The following GSK3B variants were observed in gnomAD, a reference collection of about 807,000 sequenced individuals.
GSK3B encodes the protein glycogen synthase kinase 3 beta, also known as glycogen synthase kinase-3 beta.
In GSK3B, 15 loss-of-function variants were observed where a neutral mutation model predicts 56.4. The ratio of observed to expected loss-of-function variants is 0.27; its 90% CI spans 0.18 to 0.41. GSK3B has a LOEUF of 0.41. GSK3B is among the 10% of genes least tolerant of loss of function. GSK3B has a pLI of 1.00. For missense variants in GSK3B, 300 were observed against 513.4 expected, an observed-to-expected ratio of 0.58 and a Z score of 4.02; for synonymous variants, 181 against 188.9, an observed-to-expected ratio of 0.96 and a Z score of 0.34.
At chr3:119,993,271 G>T (rs756033410) in intron 2 of GSK3B, among the ~76,000 whole-genome samples, 2 of 151,688 alleles carry the variant, frequency 1.3e-5, no homozygotes, top group South Asian at 4.2e-4. Flanking sequence ...AGAAAGAATC[G>T]AAAAGAAATG....
intron 2 of GSK3B, among the ~76,000 whole-genome samples, chr3:119,993,906 G>C (rs1469994589): frequency 1.3e-5 from 2 of 152,172 alleles, no homozygotes; most frequent in Non-Finnish European, 2.9e-5. Context: ...TTGAGACAGA[G>C]TCTTGCTCTG....
At chr3:119,972,290 T>C (rs1238790130) in intron 2 of GSK3B, among the ~76,000 whole-genome samples, 1 of 152,202 alleles carries the variant, frequency 6.6e-6, no homozygotes, top group African/African-American at 2.4e-5. Flanking sequence ...ATAAGGTATA[T>C]GATAGGCATC....
chr3:119,826,116 C>T lies in GSK3B; in HGVS notation c.*672G>A, dbSNP rs2055499674. ...CAAGCCTCTACATCACTAGCACTAA[C>T]TGAGAGCAAAACAAAACCTTAACAA... On this transcript the variant is annotated 3_prime_UTR_variant, in exon 11 of 11. Coordinates refer to ENST00000264235, the MANE Select transcript of GSK3B (RefSeq NM_001146156.2). 4.3e-6 allele frequency: 1 copy of T among 234,716 alleles called. No individual in the cohort carries two copies. Among genetic ancestry groups the T allele is most frequent in the African/African-American group, 2.2e-5 (1 of 44,824 alleles). 14.5% of individuals were successfully genotyped at this position (234,716 alleles called of 1,614,324 possible).
intron 4 of GSK3B, among the ~76,000 whole-genome samples, chr3:119,921,610 C>T (rs1013473733): frequency 3.9e-5 from 6 of 152,040 alleles, no homozygotes; most frequent in East Asian, 1.9e-4. Context: ...TCAAATGATC[C>T]GGTTTCTTTA....
At chr3:119,839,127 G>T (rs1577306598) in intron 10 of GSK3B, among the ~76,000 whole-genome samples, 2 of 152,190 alleles carry the variant, frequency 1.3e-5, no homozygotes, top group East Asian at 3.8e-4. Context: ...AATTAGCACA[G>T]TATGATTTTA....
chr3:120,055,455 TTA>T (rs1275022798), intron 1 of GSK3B, among the ~76,000 whole-genome samples: 4 of 152,224 alleles, frequency 2.6e-5, no homozygotes, highest in African/African-American at 9.6e-5. Context: ...CTTTTTTGGT[TTA>T]TGTTTCTATG....
intron 2 of GSK3B, among the ~76,000 whole-genome samples, chr3:119,975,812 C>T (rs550822354): frequency 6.6e-6 from 1 of 152,246 alleles, no homozygotes; most frequent in Non-Finnish European, 1.5e-5. Context: ...AAATGTACTA[C>T]ACCAAGGCAC....
At chr3:120,080,462 G>A (rs928157243) in intron 1 of GSK3B, among the ~76,000 whole-genome samples, 7 of 151,990 alleles carry the variant, frequency 4.6e-5, no homozygotes, top group African/African-American at 1.5e-4. Flanking sequence ...CCCTCTCTGG[G>A]AAAGCTCTAG....
At chr3:119,872,907 C>A (rs1027996304) in intron 8 of GSK3B, among the ~76,000 whole-genome samples, 3 of 152,114 alleles carry the variant, frequency 2.0e-5, no homozygotes, top group Non-Finnish European at 2.9e-5. Context: ...ATACTAAATG[C>A]AGAATTTAAA....
chr3:119,987,654 G>A (rs1576250902), intron 2 of GSK3B, among the ~76,000 whole-genome samples: 1 of 150,896 alleles, frequency 6.6e-6, no homozygotes, highest in Non-Finnish European at 1.5e-5. Context: ...AACTTATAAA[G>A]CATTAAAAAA....
At chr3:120,061,877 C>A (rs977531274) in intron 1 of GSK3B, among the ~76,000 whole-genome samples, 3 of 152,146 alleles carry the variant, frequency 2.0e-5, no homozygotes, top group Non-Finnish European at 4.4e-5. Flanking sequence ...GCATTACAGG[C>A]ATGTGCTACC....
intron 2 of GSK3B, among the ~76,000 whole-genome samples, chr3:119,956,126 T>C (rs138516007): frequency 1.2e-4 from 18 of 152,190 alleles, no homozygotes; most frequent in Middle Eastern, 3.4e-3. Context: ...AATTAGTAAA[T>C]AGAAGGAGGG....
intron 1 of GSK3B, among the ~76,000 whole-genome samples, chr3:120,068,133 C>T (rs1472533638): frequency 6.6e-6 from 1 of 152,134 alleles, no homozygotes; most frequent in Non-Finnish European, 1.5e-5. Flanking sequence ...TGGCTCATGC[C>T]TGTAATCTCA....
At chr3:120,085,408 T>C (rs2058455438) in intron 1 of GSK3B, among the ~76,000 whole-genome samples, 1 of 152,208 alleles carries the variant, frequency 6.6e-6, no homozygotes. Flanking sequence ...ATGTCAGACA[T>C]AATTCCAGTA....
intron 7 of GSK3B, among the ~76,000 whole-genome samples, chr3:119,904,091 TAA>T (rs964090028): frequency 6.6e-6 from 1 of 151,736 alleles, no homozygotes; most frequent in Non-Finnish European, 1.5e-5. Flanking sequence ...AAAATAAAAA[TAA>T]AAAAAAGACT....
At chr3:119,960,474 G>A (rs1226151822) in intron 2 of GSK3B, among the ~76,000 whole-genome samples, 1 of 152,060 alleles carries the variant, frequency 6.6e-6, no homozygotes, top group Non-Finnish European at 1.5e-5. Context: ...GAGAATCTGA[G>A]GAAATTTGAA....
chr3:119,843,277 G>A lies in GSK3B; in HGVS notation c.1173C>T (p.Pro391=), dbSNP rs749620274. Reference sequence around the variant, plus strand: ...TACCTGACGCTGCTGTGGCATTTGTGGGGGTTGAAGCAGCTGCTTGAATCC... The same window carrying A: ...TACCTGACGCTGCTGTGGCATTTGTAGGGGTTGAAGCAGCTGCTTGAATCC... The part of the protein sequence containing the change: ...HARIQAAAST[P]TNATAASDAN... The change falls in exon 10 of 11, where the codon CCC becomes CCT. Residue 391 remains proline, a synonymous_variant. Coordinates refer to ENST00000264235, the MANE Select transcript of GSK3B (RefSeq NM_001146156.2). The A allele has an allele frequency of 6.2e-7, 1 of 1,608,778 alleles. No individual in the cohort carries two copies. Among genetic ancestry groups the A allele is most frequent in the Non-Finnish European group, 8.5e-7 (1 of 1,176,036 alleles).
chr3:119,912,638 G>T, intron 6 of GSK3B, 66 bp downstream of exon 6: 2 of 684,184 alleles, frequency 2.9e-6, no homozygotes, highest in Non-Finnish European at 5.2e-6. Flanking sequence ...CAGATTAGTA[G>T]TACTAAATTA....
At chr3:119,858,640 T>A (rs1011061901) in intron 9 of GSK3B, among the ~76,000 whole-genome samples, 1 of 152,212 alleles carries the variant, frequency 6.6e-6, no homozygotes, top group Non-Finnish European at 1.5e-5. Context: ...TAAATTTCCT[T>A]TGACAACTTT....
Sources: allele counts gnomAD v4.1 joint callset (sites outside exome capture counted in the v4.1 genomes callset), GRCh38; gene constraint gnomAD v4.1.1; transcripts MANE v1.5; gene names NCBI Gene and HGNC (gene_info 2026-07-23, HGNC 2026-07-21).